Variants in DOCK11 observed in about 807,000 individuals in gnomAD.
DOCK11 encodes the protein dedicator of cytokinesis protein 11.
In DOCK11, 70 loss-of-function variants were observed where a neutral mutation model predicts 169.1. The observed-to-expected ratio is 0.41, with a 90% confidence interval of 0.34 to 0.51. DOCK11 has a LOEUF of 0.51. DOCK11 is among the 20% of genes least tolerant of loss of function. The pLI is 0.10. For synonymous variants in DOCK11, 529 were observed against 541.3 expected (o/e 0.98, Z 0.32); for missense variants, 1,166 against 1,538.8 (o/e 0.76, Z 4.05).
intron 1 of DOCK11, among the ~76,000 whole-genome samples, chrX:118,535,212 A>G (rs1160819337): frequency 2.7e-5 from 3 of 112,036 alleles, no homozygotes; most frequent in Non-Finnish European, 5.6e-5. Context: ...TCAACGCATA[A>G]AGGTTTATGT....
At chrX:118,511,869 A>C (rs184172306) in intron 1 of DOCK11, among the ~76,000 whole-genome samples, 1,148 of 112,006 alleles carry the variant, frequency 0.01, 15 homozygotes, top group African/African-American at 0.035. Flanking sequence ...ATGTTTGTGA[A>C]CTGTTGCTTG....
intron 28 of DOCK11, among the ~76,000 whole-genome samples, chrX:118,612,799 T>C (rs1451609304): frequency 8.9e-6 from 1 of 111,804 alleles, no homozygotes; most frequent in South Asian, 3.7e-4. Context: ...GTGATGAGTT[T>C]AGGATGTATG....
At chrX:118,660,609 C>T (rs2016189924) in intron 44 of DOCK11, among the ~76,000 whole-genome samples, 1 of 109,203 alleles carries the variant, frequency 9.2e-6, no homozygotes, top group South Asian at 4.0e-4. Context: ...GGACTACAGG[C>T]ACCCGCCACC....
At chrX:118,535,780 T>C (rs1394990917) in intron 1 of DOCK11, among the ~76,000 whole-genome samples, 3 of 111,878 alleles carry the variant, frequency 2.7e-5, no homozygotes, top group Non-Finnish European at 5.6e-5. Context: ...GAAAATAATC[T>C]TTATGAAAAG....
intron 38 of DOCK11, among the ~76,000 whole-genome samples, chrX:118,640,411 C>T (rs2015500124): frequency 1.8e-5 from 2 of 112,274 alleles, no homozygotes; most frequent in Non-Finnish European, 3.8e-5. Flanking sequence ...TGTTTTAAAG[C>T]CTTCAGCTTC....
At chrX:118,638,678 T>C (rs1458851326) in intron 37 of DOCK11, among the ~76,000 whole-genome samples, 1 of 111,846 alleles carries the variant, frequency 8.9e-6, no homozygotes, top group Non-Finnish European at 1.9e-5. Flanking sequence ...TCAAAAACAG[T>C]TTTAAAAAAT....
rs999415355 is a variant in DOCK11, at chrX:118,683,052, A to T, written c.5964-27A>T. ...ATACTTCCTAAGAATAAATAACAAG[A>T]CCTTTATCTTTGATATTCATCCACA... On this transcript the variant is annotated intron_variant, in intron 51 of 52. Transcript: ENST00000276202. The T allele has an allele frequency of 2.5e-6, 3 of 1,185,149 alleles. No individual in the cohort carries two copies. The African/African-American group carries it at 5.3e-5, about 21-fold the overall frequency.
intron 1 of DOCK11, among the ~76,000 whole-genome samples, chrX:118,535,148 T>C (rs1013797612): frequency 2.7e-5 from 3 of 112,329 alleles, no homozygotes; most frequent in East Asian, 2.8e-4. Context: ...GCAAAGTTCA[T>C]TCAAGGAAAT....
chrX:118,506,635 C>A (rs2057614309), intron 1 of DOCK11, among the ~76,000 whole-genome samples: 1 of 110,300 alleles, frequency 9.1e-6, no homozygotes, highest in Admixed American at 9.7e-5. Context: ...CACTGCACCC[C>A]AGCCTGGGCG....
intron 6 of DOCK11, among the ~76,000 whole-genome samples, chrX:118,548,448 C>T (rs183410442): frequency 1.0e-3 from 112 of 111,679 alleles, no homozygotes; most frequent in African/African-American, 3.5e-3. Context: ...GCAGGAGGGA[C>T]GGTATCCACA....
intron 6 of DOCK11, among the ~76,000 whole-genome samples, chrX:118,553,026 G>A (rs138435677): frequency 6.3e-4 from 71 of 111,850 alleles, no homozygotes; most frequent in African/African-American, 2.1e-3. Context: ...GATTAATTTC[G>A]TCAATTTGTG....
At chrX:118,567,310 T>C (rs186846850) in intron 9 of DOCK11, among the ~76,000 whole-genome samples, 7 of 111,526 alleles carry the variant, frequency 6.3e-5, no homozygotes, top group African/African-American at 1.6e-4. Context: ...TTCATCTTAC[T>C]GGACAAATTA....
chrX:118,544,283 A>G (rs1399144988), intron 4 of DOCK11, among the ~76,000 whole-genome samples: 2 of 111,744 alleles, frequency 1.8e-5, no homozygotes, highest in Non-Finnish European at 3.8e-5. Flanking sequence ...AAGGAATGGC[A>G]TGAGCACACT....
chrX:118,636,202 G>A (rs755162544), intron 35 of DOCK11, 144 bp from the exon 36 acceptor site: 5 of 309,517 alleles, frequency 1.6e-5, no homozygotes, highest in African/African-American at 8.2e-5. Flanking sequence ...TGTATACTGC[G>A]CAGTGGGAGG....
At chrX:118,630,996 T>A (rs2015225822) in intron 35 of DOCK11, among the ~76,000 whole-genome samples, 1 of 111,571 alleles carries the variant, frequency 9.0e-6, no homozygotes, top group South Asian at 3.7e-4. Context: ...CTGTTTTTTC[T>A]CCTTGGTATA....
At chrX:118,656,290 T>TAAATAAATA (rs1443587840) in intron 44 of DOCK11, among the ~76,000 whole-genome samples, 1 of 110,525 alleles carries the variant, frequency 9.0e-6, no homozygotes, top group Non-Finnish European at 1.9e-5. Flanking sequence ...AATAAATAAA[T>TAAATAAATA]AAATGAATAA....
chrX:118,646,294 A>G (rs747952175), intron 40 of DOCK11, among the ~76,000 whole-genome samples: 1 of 110,696 alleles, frequency 9.0e-6, no homozygotes, highest in African/African-American at 3.3e-5. Context: ...AGTTGAAGCC[A>G]TGGGAGTGGT....
chrX:118,682,147 G>C (rs1366359494), intron 51 of DOCK11, among the ~76,000 whole-genome samples: 1 of 110,811 alleles, frequency 9.0e-6, no homozygotes, highest in African/African-American at 3.3e-5. Flanking sequence ...GGTAGGAATA[G>C]AAGTGGGGCA....
At chrX:118,675,576 G>C (rs1344718550) in intron 46 of DOCK11, among the ~76,000 whole-genome samples, 1 of 109,100 alleles carries the variant, frequency 9.2e-6, no homozygotes, top group Non-Finnish European at 1.9e-5. Flanking sequence ...AGGGCTTGTT[G>C]TGGGGTGGGG....
Sources: gnomAD v4.1 joint callset for allele counts (sites outside exome capture counted in the v4.1 genomes callset) on GRCh38, gnomAD v4.1.1 for gene constraint, MANE v1.5 for transcripts, NCBI Gene and HGNC (gene_info 2026-07-23, HGNC 2026-07-21) for gene names.